Variants in TSHR observed in about 807,000 individuals in gnomAD.
The protein encoded by TSHR is thyrotropin receptor.
A neutral mutation model predicts 64.1 loss-of-function variants in TSHR; 51 were observed. That is an observed-to-expected ratio of 0.80 (90% CI 0.64 to 1.01). TSHR has a LOEUF of 1.01. Ranked by LOEUF, TSHR falls within the 50% of genes least tolerant of loss-of-function variation. The probability of loss-of-function intolerance (pLI) is 0.00; values close to 1 mark genes in which losing one functional copy is unlikely to be tolerated. For synonymous variants in TSHR, 361 were observed against 361.9 expected (o/e 1.00, Z 0.03); for missense variants, 877 against 942.8 (o/e 0.93, Z 0.91).
At chr14:80,999,926 C>CTTTTTTTTTTT (rs887541689) in intron 1 of TSHR, among the ~76,000 whole-genome samples, 4 of 142,872 alleles carry the variant, frequency 2.8e-5, no homozygotes, top group African/African-American at 7.8e-5. Flanking sequence ...AATTTTTTTT[C>CTTTTTTTTTTT]TTTTTTTTCT....
At chr14:81,042,991 A>G (rs572206129) in intron 1 of TSHR, among the ~76,000 whole-genome samples, 1,730 of 152,310 alleles carry the variant, frequency 0.011, 39 homozygotes, top group African/African-American at 0.039. Context: ...ATCATACTGA[A>G]TGGGCAAAAG....
In TSHR at chr14:81,143,741, T is replaced by C. The variant is rs1345754407; in HGVS notation, c.1683T>C (p.Ser561=). 5 of 1,614,052 alleles carry C rather than the reference T, an allele frequency of 3.1e-6. No individual in the cohort carries two copies. The African/African-American group carries it at 5.3e-5, about 17-fold the overall frequency. Reference sequence around the variant, plus strand: ...CCCTGCTTCCTTTGGTGGGAATAAGTAGCTATGCCAAAGTCAGTATCTGCC... The same window carrying C: ...CCCTGCTTCCTTTGGTGGGAATAAGCAGCTATGCCAAAGTCAGTATCTGCC... ...LLALLPLVGI[S]SYAKVSICLP... Residue 561 remains serine (S), a synonymous_variant, in exon 10 of 10, where the codon AGT becomes AGC. Coordinates refer to ENST00000298171, the MANE Select transcript of TSHR (RefSeq NM_000369.5).
intron 1 of TSHR, among the ~76,000 whole-genome samples, chr14:81,047,281 A>AT (rs146278567): frequency 4.6e-5 from 7 of 152,064 alleles, no homozygotes; most frequent in African/African-American, 1.7e-4. Flanking sequence ...AAATAAAATT[A>AT]TTTTTTTCCT....
At chr14:80,973,434 T>C (rs142835084) in intron 1 of TSHR, among the ~76,000 whole-genome samples, 2 of 61,430 alleles carry the variant, frequency 3.3e-5, no homozygotes, top group Admixed American at 1.8e-4. Flanking sequence ...AAAAAATCTG[T>C]GTACTTATTC....
At chr14:81,085,444 C>G (rs1888221471) in intron 3 of TSHR, among the ~76,000 whole-genome samples, 1 of 152,212 alleles carries the variant, frequency 6.6e-6, no homozygotes, top group Non-Finnish European at 1.5e-5. Context: ...TCTCATTCAT[C>G]TTTCTCCTTT....
At chr14:80,999,899 T>G (rs1320888574) in intron 1 of TSHR, among the ~76,000 whole-genome samples, 1 of 151,884 alleles carries the variant, frequency 6.6e-6, no homozygotes, top group Non-Finnish European at 1.5e-5. Flanking sequence ...GTATTAAATT[T>G]TTGGGGAAGA....
chr14:81,062,017 T>C, intron 1 of TSHR, 131 bp from the exon 2 acceptor site: 1 of 737,328 alleles, frequency 1.4e-6, no homozygotes, highest in Non-Finnish European at 2.2e-6. Flanking sequence ...GTATTATTTT[T>C]GTTGATTATG....
At chr14:81,012,560 G>A (rs1889972761) in intron 1 of TSHR, 1 of 151,824 alleles carries the variant, frequency 6.6e-6, no homozygotes, top group Admixed American at 6.6e-5. Flanking sequence ...CCCACCAACA[G>A]TGTAAAAGTG....
intron 2 of TSHR, among the ~76,000 whole-genome samples, chr14:81,063,027 T>A: frequency 6.6e-6 from 1 of 152,134 alleles, no homozygotes; most frequent in South Asian, 2.1e-4. Context: ...TGGCACCTAG[T>A]GGGTAAAAGT....
intron 1 of TSHR, among the ~76,000 whole-genome samples, chr14:81,034,048 T>C (rs547013893): frequency 5.9e-5 from 9 of 152,324 alleles, no homozygotes; most frequent in African/African-American, 2.2e-4. Context: ...TGGAGCTTCC[T>C]CTTTAGAAGT....
intron 1 of TSHR, among the ~76,000 whole-genome samples, chr14:81,059,343 C>T (rs1886057935): frequency 1.3e-5 from 2 of 152,066 alleles, no homozygotes; most frequent in Admixed American, 6.6e-5. Flanking sequence ...AGAGCTTAAG[C>T]TAATATGATG....
At chr14:81,012,839 T>C (rs1167943057) in intron 1 of TSHR, 1 of 152,146 alleles carries the variant, frequency 6.6e-6, no homozygotes, top group Non-Finnish European at 1.5e-5. Context: ...TTCTGGATAT[T>C]AGCCCTTTGT....
intron 1 of TSHR, among the ~76,000 whole-genome samples, chr14:81,004,370 T>C (rs190153697): frequency 6.6e-6 from 1 of 152,328 alleles, no homozygotes; most frequent in East Asian, 1.9e-4. Flanking sequence ...TTCTTAGACA[T>C]GTACTATACA....
At chr14:81,124,255 G>C (rs1468368278) in intron 8 of TSHR, among the ~76,000 whole-genome samples, 1 of 151,286 alleles carries the variant, frequency 6.6e-6, no homozygotes. Context: ...ATCTTCACAA[G>C]ATAATACTAT....
intron 8 of TSHR, among the ~76,000 whole-genome samples, chr14:81,112,065 A>C (rs182323896): frequency 1.8e-4 from 28 of 152,258 alleles, no homozygotes; most frequent in African/African-American, 6.0e-4. Flanking sequence ...AAACTGCCTG[A>C]AAATGCTTTC....
At chr14:81,069,230 G>A (rs904420924) in intron 3 of TSHR, among the ~76,000 whole-genome samples, 1 of 151,824 alleles carries the variant, frequency 6.6e-6, no homozygotes, top group Non-Finnish European at 1.5e-5. Context: ...TAAATGCAGA[G>A]AGACTAAATA....
intron 1 of TSHR, among the ~76,000 whole-genome samples, chr14:81,055,409 C>T (rs375101626): frequency 6.6e-6 from 1 of 152,216 alleles, no homozygotes; most frequent in South Asian, 2.1e-4. Context: ...CACTGAGGTA[C>T]TGCCTAGTGG....
intron 1 of TSHR, among the ~76,000 whole-genome samples, chr14:81,043,149 CT>C (rs1885004442): frequency 6.6e-6 from 1 of 152,142 alleles, no homozygotes; most frequent in African/African-American, 2.4e-5. Flanking sequence ...GTCAAATTAT[CT>C]TTGTTTGTAG....
chr14:81,012,758 C>G (rs1396032304), intron 1 of TSHR: 1 of 149,964 alleles, frequency 6.7e-6, no homozygotes, highest in African/African-American at 2.5e-5. Context: ...AGTGTCTGTT[C>G]ATGTCCTTCG....
Sources: allele counts gnomAD v4.1 joint callset (sites outside exome capture counted in the v4.1 genomes callset), GRCh38; gene constraint gnomAD v4.1.1; transcripts MANE v1.5; gene names NCBI Gene and HGNC (gene_info 2026-07-23, HGNC 2026-07-21).